CADM2: variants seen among roughly 807,000 people sequenced by gnomAD.
CADM2 encodes the protein immunoglobulin superfamily member 4D.
A neutral mutation model predicts 49.8 loss-of-function variants in CADM2; 12 were observed. The ratio of observed to expected loss-of-function variants is 0.24; its 90% confidence interval spans 0.15 to 0.39. The LOEUF is 0.39. Among genes scored for constraint, CADM2 ranks in the 10% least tolerant of loss-of-function variants. The pLI is 1.00. For synonymous variants in CADM2, 214 were observed against 175.4 expected (o/e 1.22, Z -1.74); for missense variants, 378 against 492.3 (o/e 0.77, Z 2.20).
At chr3:85,649,960 G>A (rs779774065) in intron 1 of CADM2, among the ~76,000 whole-genome samples, 14 of 152,200 alleles carry the variant, frequency 9.2e-5, no homozygotes, top group African/African-American at 1.2e-4. Context: ...ATCAATAGCC[G>A]TTATATAGGC....
chr3:85,286,735 T>A (rs1162751878), intron 1 of CADM2, among the ~76,000 whole-genome samples: 1 of 152,196 alleles, frequency 6.6e-6, no homozygotes, highest in Non-Finnish European at 1.5e-5. Context: ...CCAAATAAAT[T>A]AATAGATTGC....
At position 85,853,988 on chromosome 3, in the gene CADM2, A is replaced by G. The variant is rs951781143; in HGVS notation, c.239-29303A>G. On this transcript the variant is annotated intron_variant, in intron 3 of 9. Coordinates refer to ENST00000383699, the MANE Select transcript of CADM2 (RefSeq NM_001167675.2). ...TGGTGATGTAATGATGAGCCAGCGCATATTAAAAACTTTACAGCTTAGTAA... is the reference window on the plus strand; with the variant it reads ...TGGTGATGTAATGATGAGCCAGCGCGTATTAAAAACTTTACAGCTTAGTAA... Among the ~76,000 whole-genome samples, 7 of 152,192 alleles carry G rather than the reference A, an allele frequency of 4.6e-5. No homozygotes were observed. In the South Asian group the frequency reaches 1.0e-3, roughly 22 times the overall value.
At chr3:85,520,571 A>T (rs945770641) in intron 1 of CADM2, among the ~76,000 whole-genome samples, 4 of 152,044 alleles carry the variant, frequency 2.6e-5, no homozygotes, top group African/African-American at 4.8e-5. Flanking sequence ...GGAAGAAAAA[A>T]TATTGCCACT....
intron 7 of CADM2, among the ~76,000 whole-genome samples, chr3:85,956,404 T>C (rs1409032298): frequency 6.6e-6 from 1 of 151,732 alleles, no homozygotes; most frequent in Admixed American, 6.6e-5. Context: ...TTTATGGTGA[T>C]ATTAAGAAGC....
chr3:85,497,972 C>A (rs922448585), intron 1 of CADM2, among the ~76,000 whole-genome samples: 1 of 151,714 alleles, frequency 6.6e-6, no homozygotes, highest in Non-Finnish European at 1.5e-5. Context: ...GTGAAATTGC[C>A]TACTCACTAA....
chr3:85,772,609 A>T (rs1247579364), intron 2 of CADM2, among the ~76,000 whole-genome samples: 2 of 152,116 alleles, frequency 1.3e-5, no homozygotes, highest in African/African-American at 4.8e-5. Flanking sequence ...AATAATTAGT[A>T]ATAAGCAGGG....
At position 85,293,998 on chromosome 3, in the gene CADM2, T is replaced by C. The variant is rs531982339; in HGVS notation, c.61+334330T>C. Reference sequence around the variant, plus strand: ...CAGTTAGGAAAAGAGGAAGTCAAATTGTCCCTGTTTGCAGACGACATGATT... The same window carrying C: ...CAGTTAGGAAAAGAGGAAGTCAAATCGTCCCTGTTTGCAGACGACATGATT... On this transcript the variant is annotated intron_variant, in intron 1 of 9. Coordinates refer to ENST00000383699, the MANE Select transcript of CADM2 (RefSeq NM_001167675.2). Among the ~76,000 whole-genome samples the C allele has an allele frequency of 2.0e-5, 3 of 152,084 alleles. No homozygotes were observed. The South Asian group carries it at 6.2e-4, about 32-fold the overall frequency.
intron 8 of CADM2, among the ~76,000 whole-genome samples, chr3:86,016,312 T>A (rs1212029754): frequency 1.3e-5 from 2 of 152,170 alleles, no homozygotes; most frequent in African/African-American, 4.8e-5. Flanking sequence ...ATTTAATTAC[T>A]AATAAGCATC....
intron 1 of CADM2, among the ~76,000 whole-genome samples, chr3:85,243,546 T>A (rs1410698135): frequency 6.6e-6 from 1 of 152,070 alleles, no homozygotes; most frequent in Admixed American, 6.6e-5. Flanking sequence ...ACTTTGCATT[T>A]GTGAAGTACT....
chr3:85,635,607 GCC>G (rs1235895146), intron 1 of CADM2, among the ~76,000 whole-genome samples: 5 of 152,018 alleles, frequency 3.3e-5, no homozygotes, highest in Admixed American at 3.3e-4. Flanking sequence ...TTCTAGAGCT[GCC>G]TTTATCTTGT....
chr3:84,977,826 A>C (rs1044168664), intron 1 of CADM2, among the ~76,000 whole-genome samples: 1 of 152,130 alleles, frequency 6.6e-6, no homozygotes, highest in African/African-American at 2.4e-5. Context: ...TAACAAAAGC[A>C]GTGTCTACGT....
At chr3:85,630,187 T>A (rs1380059365) in intron 1 of CADM2, among the ~76,000 whole-genome samples, 1 of 152,082 alleles carries the variant, frequency 6.6e-6, no homozygotes, top group African/African-American at 2.4e-5. Context: ...TATTAATTTA[T>A]AAATTTGTGG....
intron 1 of CADM2, among the ~76,000 whole-genome samples, chr3:85,369,670 A>G (rs2033054971): frequency 6.6e-6 from 1 of 152,162 alleles, no homozygotes; most frequent in Non-Finnish European, 1.5e-5. Context: ...GAAAATGTAA[A>G]CATGTTTGTT....
At chr3:85,373,288 G>A (rs776889780) in intron 1 of CADM2, among the ~76,000 whole-genome samples, 4 of 152,128 alleles carry the variant, frequency 2.6e-5, no homozygotes, top group African/African-American at 4.8e-5. Context: ...CAAGGAAATC[G>A]GAAATTTAGT....
At chr3:85,156,481 C>A (rs555012651) in intron 1 of CADM2, among the ~76,000 whole-genome samples, 56 of 152,252 alleles carry the variant, frequency 3.7e-4, no homozygotes, top group Non-Finnish European at 2.1e-4. Context: ...TGGCAATAAT[C>A]AATAGCTTAC....
At chr3:85,741,078 A>C (rs2107825675) in intron 2 of CADM2, among the ~76,000 whole-genome samples, 1 of 152,304 alleles carries the variant, frequency 6.6e-6, no homozygotes, top group South Asian at 2.1e-4. Context: ...AACATAATTA[A>C]ATTGAATCAC....
At chr3:85,417,757 G>GCT (rs1484725972) in intron 1 of CADM2, among the ~76,000 whole-genome samples, 1 of 152,088 alleles carries the variant, frequency 6.6e-6, no homozygotes, top group Non-Finnish European at 1.5e-5. Flanking sequence ...GATTACTTCT[G>GCT]AACTCCCTTA....
intron 1 of CADM2, among the ~76,000 whole-genome samples, chr3:85,703,155 T>C (rs948034717): frequency 6.6e-6 from 1 of 152,138 alleles, no homozygotes; most frequent in Non-Finnish European, 1.5e-5. Context: ...GTCAAAAATG[T>C]GATACAGTTT....
intron 2 of CADM2, among the ~76,000 whole-genome samples, chr3:85,781,579 A>G (rs1379514756): frequency 6.6e-6 from 1 of 152,146 alleles, no homozygotes; most frequent in Non-Finnish European, 1.5e-5. Flanking sequence ...TCTATTTTTG[A>G]GGGATTTTTA....
Sources: gnomAD v4.1 joint callset for allele counts (sites outside exome capture counted in the v4.1 genomes callset) on GRCh38, gnomAD v4.1.1 for gene constraint, MANE v1.5 for transcripts, NCBI Gene and HGNC (gene_info 2026-07-23, HGNC 2026-07-21) for gene names.